Variants in MACROD2 observed in about 807,000 individuals in gnomAD.
MACROD2 encodes the protein mono-ADP ribosylhydrolase 2, also known as ADP-ribose glycohydrolase MACROD2.
MACROD2 carries 36 observed loss-of-function variants against 70.4 expected under a neutral mutation model. The observed-to-expected ratio is 0.51, with a 90% CI of 0.39 to 0.68. The LOEUF is 0.68. Ranked by LOEUF, MACROD2 falls within the 30% of genes least tolerant of loss-of-function variation. The probability of loss-of-function intolerance (pLI) is 0.00; values close to 1 mark genes in which losing one functional copy is unlikely to be tolerated. For synonymous variants in MACROD2, 172 were observed against 178.8 expected (o/e 0.96, Z 0.30); for missense variants, 496 against 538.4 (o/e 0.92, Z 0.78).
At chr20:15,089,714 T>C (rs545363424) in intron 5 of MACROD2, among the ~76,000 whole-genome samples, 38 of 152,182 alleles carry the variant, frequency 2.5e-4, no homozygotes, top group African/African-American at 8.9e-4. Flanking sequence ...AGGCCTGCCT[T>C]CTTCTCAGCT....
chr20:15,606,663 C>A (rs900361478), intron 8 of MACROD2, among the ~76,000 whole-genome samples: 5 of 152,104 alleles, frequency 3.3e-5, no homozygotes, highest in Non-Finnish European at 7.4e-5. Flanking sequence ...ATGCTTAATC[C>A]AGAAGGAAAC....
At chr20:14,873,253 A>T (rs755099718) in intron 5 of MACROD2, among the ~76,000 whole-genome samples, 1 of 152,118 alleles carries the variant, frequency 6.6e-6, no homozygotes, top group African/African-American at 2.4e-5. Context: ...TATTATACTT[A>T]CATTTATTAT....
intron 7 of MACROD2, among the ~76,000 whole-genome samples, chr20:15,465,783 C>G (rs1304584224): frequency 6.6e-6 from 1 of 152,206 alleles, no homozygotes; most frequent in African/African-American, 2.4e-5. Flanking sequence ...TCACTGTACC[C>G]ACAAGTGCTC....
chr20:15,678,418 G>T (rs1225420020), intron 8 of MACROD2, among the ~76,000 whole-genome samples: 1 of 151,566 alleles, frequency 6.6e-6, no homozygotes, highest in Non-Finnish European at 1.5e-5. Flanking sequence ...GGAGTGCAGT[G>T]GCATGATCTC....
chr20:15,029,518 A>G (rs920627551), intron 5 of MACROD2, among the ~76,000 whole-genome samples: 1 of 152,186 alleles, frequency 6.6e-6, no homozygotes, highest in Non-Finnish European at 1.5e-5. Flanking sequence ...GATGAGGCTG[A>G]TACTGCTAGT....
intron 8 of MACROD2, among the ~76,000 whole-genome samples, chr20:15,511,462 G>A (rs2047498781): frequency 6.6e-6 from 1 of 152,020 alleles, no homozygotes; most frequent in Non-Finnish European, 1.5e-5. Context: ...TTAAAAAAAG[G>A]CCCAGCAATC....
intron 3 of MACROD2, among the ~76,000 whole-genome samples, chr20:14,135,380 C>T (rs551305697): frequency 1.8e-4 from 27 of 151,782 alleles, no homozygotes; most frequent in Non-Finnish European, 3.2e-4. Context: ...ATCATATTAT[C>T]AGGCTTAAAA....
chr20:15,918,031 C>CA (rs139206082), intron 10 of MACROD2, among the ~76,000 whole-genome samples: 20,791 of 152,106 alleles, frequency 0.14, 1,578 homozygotes, highest in South Asian at 0.28. Context: ...AAAACTCTTG[C>CA]AAGAGTGGGG....
chr20:14,978,629 C>T (rs1292776116), intron 5 of MACROD2, among the ~76,000 whole-genome samples: 1 of 146,480 alleles, frequency 6.8e-6, no homozygotes, highest in Non-Finnish European at 1.5e-5. Context: ...CCAACCCCCC[C>T]ACCCCACCCC....
At chr20:14,722,600 C>A (rs1345771595) in intron 5 of MACROD2, among the ~76,000 whole-genome samples, 5 of 152,134 alleles carry the variant, frequency 3.3e-5, no homozygotes, top group Non-Finnish European at 5.9e-5. Context: ...AAACATAATT[C>A]TATAATCATT....
chr20:14,947,216 T>G (rs2423866), intron 5 of MACROD2, among the ~76,000 whole-genome samples: 9,071 of 152,244 alleles, frequency 0.06, 279 homozygotes, highest in African/African-American at 0.069. Context: ...GCTCACATCT[T>G]TTAACAAATG....
chr20:14,153,779 A>G (rs1288724165), intron 3 of MACROD2, among the ~76,000 whole-genome samples: 1 of 152,238 alleles, frequency 6.6e-6, no homozygotes, highest in Non-Finnish European at 1.5e-5. Context: ...GCCATTTAAA[A>G]CATTTTGCAA....
intron 5 of MACROD2, among the ~76,000 whole-genome samples, chr20:15,201,558 A>C (rs1568632773): frequency 6.6e-6 from 1 of 152,226 alleles, no homozygotes. Flanking sequence ...AATACTGCCC[A>C]AGACCACAGT....
chr20:15,172,635 C>T (rs1446249853), intron 5 of MACROD2, among the ~76,000 whole-genome samples: 1 of 152,070 alleles, frequency 6.6e-6, no homozygotes, highest in African/African-American at 2.4e-5. Context: ...GTCTTGAAGT[C>T]CTAGGCTCAA....
intron 11 of MACROD2, 94 bp downstream of exon 11, chr20:15,933,432 C>T (rs993619562): frequency 2.6e-6 from 3 of 1,171,352 alleles, no homozygotes; most frequent in African/African-American, 3.1e-5. Context: ...AATGCTTATA[C>T]ATTTCACCAG....
chr20:14,754,009 C>A lies in MACROD2; in HGVS notation c.418+69050C>A, dbSNP rs188796594. Among the ~76,000 whole-genome samples, 395 of 151,994 alleles carry A rather than the reference C, an allele frequency of 2.6e-3. 2 individuals carry two copies. Among genetic ancestry groups the A allele is most frequent in the South Asian group, 0.024 (113 of 4,806 alleles). On this transcript the variant is annotated intron_variant, in intron 5 of 17. Transcript: ENST00000684519. ...TATGCTGATATAAAATAATAACAAC[C>A]AAAATGGGAATGGAGAGGCAGATGG...
intron 3 of MACROD2, among the ~76,000 whole-genome samples, chr20:14,336,659 G>T (rs1389858911): frequency 6.6e-6 from 1 of 152,056 alleles, no homozygotes; most frequent in African/African-American, 2.4e-5. Context: ...TAGCTTCCAG[G>T]GTGAGCTTTG....
At chr20:15,765,570 T>C (rs1424944524) in intron 8 of MACROD2, among the ~76,000 whole-genome samples, 1 of 152,250 alleles carries the variant, frequency 6.6e-6, no homozygotes, top group Non-Finnish European at 1.5e-5. Context: ...AGAATATTTT[T>C]ATTTTTCAAT....
At chr20:15,750,001 A>G (rs1328063587) in intron 8 of MACROD2, among the ~76,000 whole-genome samples, 1 of 152,144 alleles carries the variant, frequency 6.6e-6, no homozygotes, top group African/African-American at 2.4e-5. Context: ...AAGTAGACAA[A>G]TAAGACTACA....
Sources: gnomAD v4.1 joint callset for allele counts (sites outside exome capture counted in the v4.1 genomes callset) on GRCh38, gnomAD v4.1.1 for gene constraint, MANE v1.5 for transcripts, NCBI Gene and HGNC (gene_info 2026-07-23, HGNC 2026-07-21) for gene names.